Variants in ABCC2 observed in about 807,000 individuals in gnomAD.
The protein encoded by ABCC2 is ATP-binding cassette sub-family C member 2.
Under a neutral mutation model 173.4 loss-of-function variants are expected in ABCC2, and 157 were observed. The ratio of observed to expected loss-of-function variants is 0.91; its 90% CI spans 0.80 to 1.03. The LOEUF (loss-of-function observed/expected upper bound fraction) is 1.03. ABCC2 is among the 50% of genes least tolerant of loss of function. The probability of loss-of-function intolerance (pLI) is 0.00; values close to 1 mark genes in which losing one functional copy is unlikely to be tolerated. For missense variants in ABCC2, 1,822 were observed against 1,852.3 expected (o/e 0.98, Z 0.30); for synonymous variants, 657 against 693.5 (o/e 0.95, Z 0.83).
chr10:99,831,790 C>T lies in ABCC2; in HGVS notation c.3063C>T (p.Asp1021=), dbSNP rs1179439040. 10 of 1,614,212 alleles carry T rather than the reference C, an allele frequency of 6.2e-6. No individual in the cohort carries two copies. The South Asian group carries it at 7.7e-5, about 12-fold the overall frequency. ...CCGACTATCCAGCATCTCAGAGGGA[C>T]ATGAGAGTTGGAGTCTACGGAGCTC... The part of the protein sequence containing the change: ...NSTDYPASQR[D]MRVGVYGALG... Residue 1021 remains aspartate (D), a synonymous_variant, in exon 22 of 32, where the codon GAC becomes GAT. Coordinates refer to ENST00000647814, the MANE Select transcript of ABCC2 (RefSeq NM_000392.5).
rs4148393 is a variant in ABCC2 at position 99,812,551 on chromosome 10, A to G, written c.1968-467A>G. ...AAATGTTCCAGGTGACACATTTAGT[A>G]CCTAATTTGGGAAATGTTAATCTAG... On this transcript the variant is annotated intron_variant, in intron 15 of 31. Transcript: ENST00000647814. 4.6e-5 allele frequency among the ~76,000 whole-genome samples: 7 copies of G among 152,204 alleles called. No homozygotes were observed. The East Asian group carries it at 1.3e-3, about 29-fold the overall frequency.
At chr10:99,813,171 C>T (rs2038246860) in intron 16 of ABCC2, 27 bp downstream of exon 16, 4 of 1,611,116 alleles carry the variant, frequency 2.5e-6, no homozygotes, top group Admixed American at 1.7e-5. Context: ...ATGCAAAAGC[C>T]TCTGACTCCC....
At chr10:99,834,062 A>G (rs1400779088) in intron 23 of ABCC2, among the ~76,000 whole-genome samples, 1 of 152,140 alleles carries the variant, frequency 6.6e-6, no homozygotes, top group African/African-American at 2.4e-5. Flanking sequence ...GAGTATTTTT[A>G]GTAGAGATGG....
Position 99,836,169 on chromosome 10 carries a change from G to A in ABCC2, c.3493G>A (p.Glu1165Lys), listed in dbSNP as rs199938496. 6.2e-6 allele frequency: 10 copies of A among 1,614,184 alleles called. No individual in the cohort carries two copies. The highest frequency in any genetic ancestry group is 3.3e-5 in the South Asian group (3 of 91,084). ...GTCCCCAATCTACTCTCACTTCAGC[G>A]AGACCGTATCAGGTTTGCCAGTTAT... Reference protein sequence around the residue: ...TRSPIYSHFSETVSGLPVIRA... With the variant: ...TRSPIYSHFSKTVSGLPVIRA... The change falls in exon 25 of 32, where the codon GAG (glutamate) becomes AAG (lysine). Residue 1165 changes from glutamate (E) to lysine (K), a missense_variant. Glu to Lys is a moderately conservative substitution (Grantham distance 56). Transcript: ENST00000647814.
intron 19 of ABCC2, among the ~76,000 whole-genome samples, chr10:99,825,089 T>TA (rs77557793): frequency 0.038 from 3,100 of 80,582 alleles, no homozygotes; most frequent in Middle Eastern, 0.1. Flanking sequence ...ATCTTCATTT[T>TA]TTCCTAGTCC....
intron 10 of ABCC2, 38 bp downstream of exon 10, chr10:99,804,311 T>G (rs1227184414): frequency 2.5e-6 from 4 of 1,613,070 alleles, no homozygotes; most frequent in Non-Finnish European, 3.4e-6. Context: ...TAAGCTTTCT[T>G]TAAAGTGTAA....
intron 17 of ABCC2, 56 bp downstream of exon 17, chr10:99,817,540 G>A: frequency 1.3e-6 from 2 of 1,589,172 alleles, no homozygotes; most frequent in South Asian, 1.1e-5. Flanking sequence ...GAGAAAAAGT[G>A]AGGATGGTGG....
intron 2 of ABCC2, among the ~76,000 whole-genome samples, chr10:99,788,358 C>T (rs750892257): frequency 1.1e-4 from 17 of 152,148 alleles, no homozygotes; most frequent in Non-Finnish European, 1.8e-4. Flanking sequence ...ACTGATACCA[C>T]CATGCAGCCA....
chr10:99,801,774 A>G (rs746558730), intron 9 of ABCC2, among the ~76,000 whole-genome samples: 3 of 151,102 alleles, frequency 2.0e-5, no homozygotes, highest in East Asian at 1.9e-4. Context: ...GTTCCATCAT[A>G]GTAACTTCTC....
chr10:99,787,628 C>T (rs1208120898), intron 2 of ABCC2, among the ~76,000 whole-genome samples: 1 of 152,044 alleles, frequency 6.6e-6, no homozygotes, highest in African/African-American at 2.4e-5. Flanking sequence ...TGAATACTAA[C>T]GCAATTGTTT....
chr10:99,836,821 G>T (rs759583012), intron 25 of ABCC2, among the ~76,000 whole-genome samples: 1 of 152,262 alleles, frequency 6.6e-6, no homozygotes, highest in African/African-American at 2.4e-5. Context: ...TGAACAGGGT[G>T]AGCATTATTC....
chr10:99,831,673 C>T lies in ABCC2; in HGVS notation c.2946C>T (p.Ile982=), dbSNP rs1372877697. 6.2e-7 allele frequency: 1 copy of T among 1,614,196 alleles called. No individual in the cohort carries two copies. The highest frequency in any genetic ancestry group is 8.5e-7 in the Non-Finnish European group (1 of 1,180,024). The change falls in exon 22 of 32, where the codon ATC becomes ATT. Residue 982 remains isoleucine (I), a synonymous_variant. Coordinates refer to ENST00000647814, the MANE Select transcript of ABCC2 (RefSeq NM_000392.5). ...TAGGATTGTTTTCGATATTCTTCAT[C>T]ATCCTTGCGTTTGTGATGAATTCTG... is the stretch of plus-strand genomic sequence containing the variant. ...QAIGLFSIFF[I]ILAFVMNSVA...
rs1205213484 is a variant in ABCC2, at chr10:99,814,118, T to TAC, written c.2094+980_2094+981dup. Among the ~76,000 whole-genome samples, 31 of 140,652 alleles carry TAC rather than the reference T, an allele frequency of 2.2e-4. 3 individuals are homozygous for TAC. Among genetic ancestry groups the TAC allele is most frequent in the African/African-American group, 8.0e-4 (30 of 37,712 alleles). The allele number at this position is 140,652 out of a possible 152,430, so 92.3% of individuals were successfully genotyped here. On this transcript the variant is annotated intron_variant, in intron 16 of 31. Transcript: ENST00000647814. ...ATATATATACACACATATGTGTATA[T>TAC]ACACACATATGTGTGTATATATACA...
rs1564683071 is a variant in ABCC2 at position 99,814,124 on chromosome 10, C to CACAT, written c.2094+981_2094+982insCATA. On this transcript the variant is annotated intron_variant, in intron 16 of 31. Transcript: ENST00000647814. ...ATACACACATATGTGTATATACACA[C>CACAT]ATATGTGTGTATATATACACACATG... 2.0e-4 allele frequency among the ~76,000 whole-genome samples: 25 copies of CACAT among 127,780 alleles called. 6 individuals carry two copies. The highest frequency in any genetic ancestry group is 7.7e-4 in the African/African-American group (25 of 32,664). 83.8% of individuals were successfully genotyped at this position (127,780 alleles called of 152,430 possible).
chr10:99,832,176 G>A, intron 23 of ABCC2, 45 bp downstream of exon 23: 5 of 1,612,178 alleles, frequency 3.1e-6, no homozygotes, highest in Non-Finnish European at 4.2e-6. Flanking sequence ...ATATACTGAG[G>A]ATCTTTCTGA....
In ABCC2 at chr10:99,814,434, T is replaced by TATAC. The variant is rs1157484077; in HGVS notation, c.2094+1292_2094+1295dup. 1.6e-5 allele frequency among the ~76,000 whole-genome samples: 2 copies of TATAC among 123,530 alleles called. 1 individual carries two copies. Among genetic ancestry groups the TATAC allele is most frequent in the South Asian group, 5.1e-4 (2 of 3,958 alleles). The allele number at this position is 123,530 out of a possible 152,430, so 81.0% of individuals were successfully genotyped here. On this transcript the variant is annotated intron_variant, in intron 16 of 31. Transcript: ENST00000647814. Reference sequence around the variant, plus strand: ...GTGTATATATGTGTGCATATATGTGTATACACACATATGTGTGTATATACA... The same window carrying TATAC: ...GTGTATATATGTGTGCATATATGTGTATACATACACACATATGTGTGTATATACA...
intron 19 of ABCC2, among the ~76,000 whole-genome samples, chr10:99,825,149 C>T (rs2038612082): frequency 6.6e-6 from 1 of 150,816 alleles, no homozygotes. Context: ...ACTCGTGGGG[C>T]TATATAATGG....
chr10:99,797,031 A>G, intron 6 of ABCC2, 66 bp from the exon 7 acceptor site: 1 of 1,374,912 alleles, frequency 7.3e-7, no homozygotes, highest in Non-Finnish European at 1.0e-6. Flanking sequence ...AGGTTCTGAT[A>G]GAAGTGGTGG....
At chr10:99,850,519 C>A in intron 30 of ABCC2, 83 bp from the exon 31 acceptor site, 2 of 1,392,514 alleles carry the variant, frequency 1.4e-6, no homozygotes, top group Non-Finnish European at 2.0e-6. Flanking sequence ...AAAGTCTGAT[C>A]TGGAACATGA....
Sources: gnomAD v4.1 joint callset for allele counts (sites outside exome capture counted in the v4.1 genomes callset) on GRCh38, gnomAD v4.1.1 for gene constraint, MANE v1.5 for transcripts, NCBI Gene and HGNC (gene_info 2026-07-23, HGNC 2026-07-21) for gene names.